GRB7: variants seen among roughly 807,000 people sequenced by gnomAD.
GRB7 encodes the protein growth factor receptor bound protein 7.
A neutral mutation model predicts 64.1 loss-of-function variants in GRB7; 47 were observed. That is an observed-to-expected ratio of 0.73 (90% CI 0.58 to 0.94). The LOEUF is 0.94. GRB7 is among the 40% of genes least tolerant of loss of function. The pLI is 0.00. For missense variants in GRB7, 634 were observed against 718.4 expected (o/e 0.88, Z 1.34); for synonymous variants, 277 against 279.9 (o/e 0.99, Z 0.10).
At chr17:39,740,208 T>TGTG in intron 1 of GRB7, 1 of 971,330 alleles carries the variant, frequency 1.0e-6, no homozygotes, top group Non-Finnish European at 1.2e-6. Flanking sequence ...AGTGGGGGAT[T>TGTG]GTGTTCTGGT....
chr17:39,742,821 G>A, intron 3 of GRB7, 77 bp from the exon 4 acceptor site: 1 of 1,531,328 alleles, frequency 6.5e-7, no homozygotes, highest in East Asian at 2.3e-5. Context: ...AGGAGTCCCT[G>A]AGGGTCTAGC....
At chr17:39,738,931 C>T (rs193171423) in intron 1 of GRB7, 3 of 1,529,494 alleles carry the variant, frequency 2.0e-6, no homozygotes, top group East Asian at 4.9e-5. Flanking sequence ...CCGGGTGAGA[C>T]GGGGTCCCTC....
Position 39,742,436 on chromosome 17 carries a change from C to G in GRB7, c.135C>G (p.Leu45=). The change falls in exon 2 of 15, where the codon CTC becomes CTG. Residue 45 remains leucine, a synonymous_variant. Transcript: ENST00000309156. ...LPEEVKRSQP[L]LIPTTGRKLR... is the part of the protein sequence containing the mutation. ...AGGAGGTAAAGAGGTCCCAGCCTCT[C>G]CTCATCCCAACCACCGGCAGGTACG... The G allele has an allele frequency of 6.2e-7, 1 of 1,613,984 alleles. No homozygotes were observed. The highest frequency in any genetic ancestry group is 8.5e-7 in the Non-Finnish European group (1 of 1,179,988).
Position 39,742,421 on chromosome 17 carries a change from G to T in GRB7, c.120G>T (p.Lys40Asn), listed in dbSNP as rs772936423. The T allele has an allele frequency of 6.2e-7, 1 of 1,614,004 alleles. No homozygotes were observed. The highest frequency in any genetic ancestry group is 1.7e-5 in the Admixed American group (1 of 60,032). Residue 40 changes from lysine to asparagine, a missense_variant, in exon 2 of 15, where the codon AAG (lysine) becomes AAT (asparagine). Lys to Asn is a moderately conservative substitution (Grantham distance 94). This residue lies in a region of GRB7 where 167 missense variants were observed against 141.9 expected (regional missense o/e 1.18). Transcript: ENST00000309156. ...ATACCCCTCTGCCTGAGGAGGTAAA[G>T]AGGTCCCAGCCTCTCCTCATCCCAA... ...PPDTPLPEEV[K>N]RSQPLLIPTT... is the part of the protein sequence containing the mutation.
Position 39,744,892 on chromosome 17 carries a change from A to G in GRB7, c.919A>G (p.Lys307Glu). 1 of 1,613,852 alleles carries G rather than the reference A, an allele frequency of 6.2e-7. No individual in the cohort carries two copies. The highest frequency in any genetic ancestry group is 8.5e-7 in the Non-Finnish European group (1 of 1,179,770). Residue 307 changes from lysine (K) to glutamate (E), a missense_variant, in exon 9 of 15, where the codon AAG becomes GAG. Around this residue, in one of 2 missense-constraint regions of GRB7, gnomAD observed 467 missense variants for 576.6 expected, o/e 0.81. Transcript: ENST00000309156. ...TDFGFCVKPN[K>E]LRNGHKGLRI... ...CAATTTCCTCTCTCTGCAGCCCAAC[A>G]AGCTTCGAAATGGCCACAAGGGGCT...
intron 1 of GRB7, among the ~76,000 whole-genome samples, chr17:39,741,641 T>C (rs1043011899): frequency 6.6e-6 from 1 of 151,736 alleles, no homozygotes; most frequent in African/African-American, 2.4e-5. Context: ...AGCCTGAGAG[T>C]CTGTGGGTTG....
In GRB7 at chr17:39,740,714, G is replaced by A. The variant is rs116807176; in HGVS notation, c.-50-1538G>A. On this transcript the variant is annotated intron_variant, in intron 1 of 14. Transcript: ENST00000309156. ...TTCCGCTCTGGCTAGCAGTGGGTTGGGGAGTTGGGGGAAGGGTGGAGGCAG... is the reference window on the plus strand; with the variant it reads ...TTCCGCTCTGGCTAGCAGTGGGTTGAGGAGTTGGGGGAAGGGTGGAGGCAG... Among the ~76,000 whole-genome samples the A allele has an allele frequency of 5.6e-3, 852 of 152,288 alleles. 10 individuals are homozygous for A. Among genetic ancestry groups the A allele is most frequent in the African/African-American group, 0.02 (824 of 41,544 alleles).
Position 39,745,793 on chromosome 17 carries a change from G to A in GRB7, c.1270+5G>A, listed in dbSNP as rs749778146. 4.3e-6 allele frequency: 7 copies of A among 1,614,016 alleles called. 1 individual carries two copies. The South Asian group carries it at 6.6e-5, about 15-fold the overall frequency. On this transcript the variant is annotated splice_donor_5th_base_variant and intron_variant, in intron 12 of 14. Transcript: ENST00000309156. ...CCGGCACGAGCCTCAGTGCAGGTGG[G>A]TGACGGCCCCGAGTCCTGGGGCGGG...
intron 13 of GRB7, 54 bp downstream of exon 13, chr17:39,746,054 G>T: frequency 6.2e-7 from 1 of 1,612,304 alleles, no homozygotes; most frequent in Non-Finnish European, 8.5e-7. Flanking sequence ...TGGGGTCCAG[G>T]TGGCAGCCAT....
At chr17:39,739,352 C>T (rs2059976565) in intron 1 of GRB7, among the ~76,000 whole-genome samples, 1 of 152,244 alleles carries the variant, frequency 6.6e-6, no homozygotes, top group Non-Finnish European at 1.5e-5. Context: ...GCTGCCCCGC[C>T]TTCTCCCATT....
chr17:39,745,057 A>C, intron 9 of GRB7, 73 bp downstream of exon 9: 1 of 1,272,576 alleles, frequency 7.9e-7, no homozygotes, highest in Non-Finnish European at 1.1e-6. Flanking sequence ...AGGAAGTCTC[A>C]GGAATGAGGA....
intron 1 of GRB7, chr17:39,738,369 G>A (rs2059968611): frequency 1.3e-5 from 2 of 152,354 alleles, no homozygotes; most frequent in African/African-American, 2.4e-5. Context: ...GTCCCAGCCG[G>A]GTGTCCTGAC....
chr17:39,745,183 G>A lies in GRB7; in HGVS notation c.1012-60G>A, dbSNP rs375913607. The A allele has an allele frequency of 6.5e-5, 93 of 1,426,324 alleles. 1 individual carries two copies. Among genetic ancestry groups the A allele is most frequent in the Non-Finnish European group, 8.0e-5 (83 of 1,042,274 alleles). 88.4% of individuals were successfully genotyped at this position (1,426,324 alleles called of 1,614,324 possible). ...GGGCAAGTCCTGGTCTGAGGGGGGC[G>A]TCACAGCCACGCCCCCAGGACCTCT... is the stretch of plus-strand genomic sequence containing the variant. On this transcript the variant is annotated intron_variant, in intron 9 of 14. Coordinates refer to ENST00000309156, the MANE Select transcript of GRB7 (RefSeq NM_005310.5).
chr17:39,743,225 C>T lies in GRB7; in HGVS notation c.509C>T (p.Ala170Val), dbSNP rs2060012688. The change falls in exon 5 of 15, where the codon GCC becomes GTC. Residue 170 changes from alanine to valine, a missense_variant. Ala to Val is a moderately conservative substitution (Grantham distance 64). Around this residue, in one of 2 missense-constraint regions of GRB7, gnomAD observed 467 missense variants for 576.6 expected, o/e 0.81. Transcript: ENST00000309156. ...DHESVVEVQA[A>V]WPVGGDSRFV... is the part of the protein sequence containing the mutation. ...GAGTCCGTGGTGGAAGTGCAGGCTGCCTGGCCCGTGGGCGGAGATAGCCGC... is the reference window on the plus strand; with the variant it reads ...GAGTCCGTGGTGGAAGTGCAGGCTGTCTGGCCCGTGGGCGGAGATAGCCGC... 1 of 1,614,192 alleles carries T rather than the reference C, an allele frequency of 6.2e-7. No homozygotes were observed. The highest frequency in any genetic ancestry group is 1.7e-5 in the Admixed American group (1 of 60,032).
intron 14 of GRB7, 148 bp from the exon 15 acceptor site, chr17:39,746,599 CAGTG>C (rs763881711): frequency 2.8e-5 from 30 of 1,071,220 alleles, no homozygotes; most frequent in Middle Eastern, 3.0e-4. Flanking sequence ...CTGGATGACA[CAGTG>C]AGAAAACTGT....
chr17:39,742,161 T>TA, intron 1 of GRB7, 91 bp from the exon 2 acceptor site: 1 of 847,356 alleles, frequency 1.2e-6, no homozygotes, highest in South Asian at 1.4e-5. Flanking sequence ...AAACTCCAGT[T>TA]AGAGCAGTGA....
In GRB7 at chr17:39,744,102, C is replaced by T. The variant is rs578246868; in HGVS notation, c.696C>T (p.Ile232=). The T allele has an allele frequency of 5.6e-5, 91 of 1,614,180 alleles. No homozygotes were observed. Among genetic ancestry groups the T allele is most frequent in the Middle Eastern group, 5.0e-4 (3 of 6,058 alleles). ...TGAATGCTGGCAGCTTTCCTGAGAT[C>T]CAGGGCTTTCTGCAGCTGCGGGGTT... The part of the protein sequence containing the change: ...NFLNAGSFPE[I]QGFLQLRGSG... Residue 232 remains isoleucine (I), a synonymous_variant, in exon 7 of 15, where the codon ATC becomes ATT. Transcript: ENST00000309156.
At chr17:39,745,625 G>C (rs951956044) in intron 11 of GRB7, 87 bp downstream of exon 11, 28 of 1,547,732 alleles carry the variant, frequency 1.8e-5, no homozygotes, top group East Asian at 4.5e-5. Flanking sequence ...AAGAGAGGGC[G>C]GGGGGAGGCC....
chr17:39,741,036 C>A (rs2059990361), intron 1 of GRB7, among the ~76,000 whole-genome samples: 1 of 152,134 alleles, frequency 6.6e-6, no homozygotes, highest in South Asian at 2.1e-4. Flanking sequence ...AGGTGCCAGC[C>A]CCACCTCCAC....
Sources: allele counts gnomAD v4.1 joint callset (sites outside exome capture counted in the v4.1 genomes callset), GRCh38; gene constraint gnomAD v4.1.1; regional missense constraint gnomAD v4.1.1; transcripts MANE v1.5; gene names NCBI Gene and HGNC (gene_info 2026-07-23, HGNC 2026-07-21).